The following HS2ST1 variants were observed in gnomAD, a reference collection of about 807,000 sequenced individuals.
The protein encoded by HS2ST1 is heparan sulfate 2-O-sulfotransferase 1.
HS2ST1 carries 18 observed loss-of-function variants against 42.9 expected under a neutral mutation model. That is an observed-to-expected ratio of 0.42 (90% CI 0.29 to 0.62). The LOEUF is 0.62. Among genes scored for constraint, HS2ST1 ranks in the 20% least tolerant of loss-of-function variants. HS2ST1 has a pLI of 0.21. For synonymous variants in HS2ST1, 146 were observed against 152.9 expected (o/e 0.95, Z 0.33); for missense variants, 334 against 433.8 (o/e 0.77, Z 2.04).
intron 1 of HS2ST1, among the ~76,000 whole-genome samples, chr1:87,014,943 C>G (rs1026406542): frequency 2.0e-5 from 3 of 152,236 alleles, no homozygotes; most frequent in Non-Finnish European, 4.4e-5. Context: ...TGAAAATGCT[C>G]TTTCCAAATA....
chr1:87,092,742 TTTG>T, intron 4 of HS2ST1, 73 bp downstream of exon 4: 1 of 956,514 alleles, frequency 1.0e-6, no homozygotes, highest in African/African-American at 1.7e-5. Flanking sequence ...GCTTTTAAAA[TTTG>T]TTGTTAATTA....
At chr1:87,006,228 GTAGTGAAT>G (rs1649434714) in intron 1 of HS2ST1, among the ~76,000 whole-genome samples, 1 of 152,076 alleles carries the variant, frequency 6.6e-6, no homozygotes, top group African/African-American at 2.4e-5. Context: ...CCCAAGGATA[GTAGTGAAT>G]TAATGAAACA....
intron 1 of HS2ST1, among the ~76,000 whole-genome samples, chr1:87,002,311 A>G (rs1649312933): frequency 6.6e-6 from 1 of 152,162 alleles, no homozygotes; most frequent in Non-Finnish European, 1.5e-5. Flanking sequence ...TGTTAAACCT[A>G]GCCAGGCGCC....
intron 1 of HS2ST1, among the ~76,000 whole-genome samples, chr1:87,019,877 AGT>A (rs1344702146): frequency 1.3e-5 from 2 of 152,220 alleles, no homozygotes; most frequent in African/African-American, 4.8e-5. Context: ...TGTTCTACAG[AGT>A]GTGTTTGTGC....
intron 1 of HS2ST1, among the ~76,000 whole-genome samples, chr1:86,956,990 T>A (rs1466626644): frequency 6.6e-6 from 1 of 152,208 alleles, no homozygotes; most frequent in African/African-American, 2.4e-5. Context: ...TGGTTTGAAA[T>A]TCCAGATGGT....
chr1:87,030,409 G>T (rs572930871), intron 1 of HS2ST1, among the ~76,000 whole-genome samples: 2 of 152,070 alleles, frequency 1.3e-5, no homozygotes, highest in African/African-American at 4.8e-5. Context: ...GAAGCAGGAG[G>T]ATCGCTTGAG....
chr1:86,920,087 T>A (rs1054980554), intron 1 of HS2ST1, among the ~76,000 whole-genome samples: 1 of 152,234 alleles, frequency 6.6e-6, no homozygotes, highest in African/African-American at 2.4e-5. Flanking sequence ...GATAGAACTA[T>A]GTGCTTGGTA....
chr1:86,920,887 C>T (rs997742837), intron 1 of HS2ST1, among the ~76,000 whole-genome samples: 3 of 152,000 alleles, frequency 2.0e-5, no homozygotes, highest in Admixed American at 6.6e-5. Context: ...ACATGGTTCC[C>T]GAAGCTTTCC....
chr1:86,970,412 T>G (rs1224434268), intron 1 of HS2ST1, among the ~76,000 whole-genome samples: 1 of 152,180 alleles, frequency 6.6e-6, no homozygotes, highest in African/African-American at 2.4e-5. Flanking sequence ...TTTATAATTT[T>G]TTTTTTGAGA....
chr1:86,971,551 A>G (rs943814937), intron 1 of HS2ST1, among the ~76,000 whole-genome samples: 4 of 152,236 alleles, frequency 2.6e-5, no homozygotes, highest in Admixed American at 1.3e-4. Context: ...CAGATTGGCT[A>G]TGAAGATGTG....
In HS2ST1 at chr1:87,103,568, G is replaced by A; in HGVS notation, c.823G>A (p.Ala275Thr). Residue 275 changes from alanine to threonine, a missense_variant, in exon 6 of 7, where the codon GCT becomes ACT. Physicochemically the swap from Ala to Thr is moderately conservative, Grantham distance 58. Transcript: ENST00000370550. ...AGCATTGCCCCGGTTTTTCAGGGGT[G>A]CTACTGAACTCTATCGCACAGGTAT... Reference protein sequence around the residue: ...EAALPRFFRGATELYRTGKKS... With the variant: ...EAALPRFFRGTTELYRTGKKS... 6.2e-7 allele frequency: 1 copy of A among 1,609,746 alleles called. No homozygotes were observed. Among genetic ancestry groups the A allele is most frequent in the Non-Finnish European group, 8.5e-7 (1 of 1,178,468 alleles).
intron 1 of HS2ST1, among the ~76,000 whole-genome samples, chr1:87,016,960 G>A (rs1012918871): frequency 1.3e-5 from 2 of 151,834 alleles, no homozygotes; most frequent in Non-Finnish European, 2.9e-5. Flanking sequence ...TATCTTTAGG[G>A]TGCCTTAGGC....
At chr1:86,981,944 T>G (rs921195265) in intron 1 of HS2ST1, among the ~76,000 whole-genome samples, 1 of 152,242 alleles carries the variant, frequency 6.6e-6, no homozygotes, top group Non-Finnish European at 1.5e-5. Context: ...ATGAGAGCTC[T>G]GCCCCTGCAG....
intron 1 of HS2ST1, among the ~76,000 whole-genome samples, chr1:86,981,888 TCCAAC>T (rs1648605310): frequency 6.6e-6 from 1 of 152,200 alleles, no homozygotes; most frequent in Non-Finnish European, 1.5e-5. Context: ...CTGTTGGGGC[TCCAAC>T]CCCACATTTC....
At chr1:86,993,028 A>G (rs1451784306) in intron 1 of HS2ST1, 39 of 1,560,626 alleles carry the variant, frequency 2.5e-5, no homozygotes, top group Admixed American at 7.6e-5. Flanking sequence ...GGTACCTCTC[A>G]CAGAAGAGTC....
rs1012169882 is a variant in HS2ST1, at chr1:87,105,786, T to G, written c.*1090T>G. 2 of 152,560 alleles carry G rather than the reference T, an allele frequency of 1.3e-5. No individual in the cohort carries two copies. Among genetic ancestry groups the G allele is most frequent in the Non-Finnish European group, 2.9e-5 (2 of 67,960 alleles). 9.5% of individuals were successfully genotyped at this position (152,560 alleles called of 1,614,324 possible). On this transcript the variant is annotated 3_prime_UTR_variant, in exon 7 of 7. Coordinates refer to ENST00000370550, the MANE Select transcript of HS2ST1 (RefSeq NM_012262.4). ...TGTATTTCTCATTTAACTTTACTGT[T>G]AAGACATCACTGAAATGAACTTCAG...
chr1:87,003,849 T>C (rs537380784), intron 1 of HS2ST1, among the ~76,000 whole-genome samples: 22 of 152,272 alleles, frequency 1.4e-4, no homozygotes, highest in African/African-American at 5.1e-4. Context: ...TATGCAGATA[T>C]TATACAATTT....
intron 1 of HS2ST1, among the ~76,000 whole-genome samples, chr1:87,010,357 A>G (rs1649563950): frequency 6.6e-6 from 1 of 151,890 alleles, no homozygotes; most frequent in Non-Finnish European, 1.5e-5. Context: ...TTTACATATT[A>G]TAGAATGTAA....
intron 1 of HS2ST1, among the ~76,000 whole-genome samples, chr1:87,038,277 C>G (rs1371851797): frequency 2.6e-5 from 4 of 152,030 alleles, no homozygotes; most frequent in Non-Finnish European, 1.5e-5. Flanking sequence ...TGGGCAAAGT[C>G]TATCACTACC....
Sources: allele counts gnomAD v4.1 joint callset (sites outside exome capture counted in the v4.1 genomes callset), GRCh38; gene constraint gnomAD v4.1.1; transcripts MANE v1.5; gene names NCBI Gene and HGNC (gene_info 2026-07-23, HGNC 2026-07-21).